Variants in MAGI2 observed in about 807,000 individuals in gnomAD.
The protein encoded by MAGI2 is membrane-associated guanylate kinase, WW and PDZ domain-containing protein 2.
A neutral mutation model predicts 133.3 loss-of-function variants in MAGI2; 35 were observed. The ratio of observed to expected loss-of-function variants is 0.26; its 90% CI spans 0.20 to 0.35. MAGI2 has a LOEUF of 0.35. MAGI2 is among the 10% of genes least tolerant of loss of function. The pLI is 1.00. For synonymous variants in MAGI2, 729 were observed against 710.6 expected, an observed-to-expected ratio of 1.03 and a Z score of -0.41; for missense variants, 1,636 against 1,863.4, an observed-to-expected ratio of 0.88 and a Z score of 2.25.
chr7:78,672,640 C>T (rs1210877463), intron 2 of MAGI2, among the ~76,000 whole-genome samples: 2 of 152,178 alleles, frequency 1.3e-5, no homozygotes, highest in African/African-American at 4.8e-5. Flanking sequence ...GAAACACCCT[C>T]AATTAAATAG....
chr7:78,671,279 CTCTT>C (rs1041696740), intron 2 of MAGI2, among the ~76,000 whole-genome samples: 22 of 71,114 alleles, frequency 3.1e-4, no homozygotes, highest in African/African-American at 9.3e-4. Context: ...GTCTCTCTCT[CTCTT>C]TTTTTTTTTT....
At position 78,218,075 on chromosome 7, in the gene MAGI2, C is replaced by A. The variant is rs78983821; in HGVS notation, c.2048-16882G>T. ...ACACAGATATATGGCACTGAGGGAG[C>A]CAGATATGGTTAGGCCAAGAGCCTT... is the stretch of plus-strand genomic sequence containing the variant. On this transcript the variant is annotated intron_variant, in intron 10 of 21. Coordinates refer to ENST00000354212, the MANE Select transcript of MAGI2 (RefSeq NM_012301.4). Among the ~76,000 whole-genome samples, 638 of 152,310 alleles carry A rather than the reference C, an allele frequency of 4.2e-3. 3 individuals carry two copies. The highest frequency in any genetic ancestry group is 0.015 in the African/African-American group (612 of 41,562).
intron 3 of MAGI2, among the ~76,000 whole-genome samples, chr7:78,527,950 T>G (rs1797121886): frequency 6.6e-6 from 1 of 152,012 alleles, no homozygotes; most frequent in South Asian, 2.1e-4. Context: ...CCACACAGAT[T>G]AAGGTCATGA....
intron 2 of MAGI2, among the ~76,000 whole-genome samples, chr7:78,677,476 T>C (rs1282861493): frequency 4.6e-5 from 7 of 151,982 alleles, no homozygotes; most frequent in African/African-American, 7.2e-5. Flanking sequence ...TTTATAAGAA[T>C]GGTACTTAAA....
chr7:78,234,720 G>A (rs1790349734), intron 10 of MAGI2, among the ~76,000 whole-genome samples: 2 of 149,468 alleles, frequency 1.3e-5, no homozygotes, highest in Admixed American at 6.7e-5. Context: ...AGGTGATTTC[G>A]TTCATTTATT....
intron 21 of MAGI2, among the ~76,000 whole-genome samples, chr7:78,043,260 C>G (rs1651958508): frequency 2.0e-5 from 3 of 152,046 alleles, no homozygotes; most frequent in Admixed American, 2.0e-4. Flanking sequence ...TTTTTTGAGC[C>G]ATCTTTTGGT....
At chr7:78,160,467 C>T (rs1824863645) in intron 15 of MAGI2, among the ~76,000 whole-genome samples, 194 bp from the exon 16 acceptor site, 1 of 152,208 alleles carries the variant, frequency 6.6e-6, no homozygotes, top group African/African-American at 2.4e-5. Flanking sequence ...TTGCTCAGTC[C>T]TAGTTTTCAT....
At chr7:78,666,210 C>A (rs1214028147) in intron 2 of MAGI2, among the ~76,000 whole-genome samples, 2 of 152,120 alleles carry the variant, frequency 1.3e-5, no homozygotes, top group African/African-American at 2.4e-5. Context: ...CTGCTGAGAT[C>A]ATTATAGCCA....
intron 1 of MAGI2, among the ~76,000 whole-genome samples, chr7:79,259,311 A>C (rs1833914382): frequency 6.6e-6 from 1 of 152,200 alleles, no homozygotes; most frequent in African/African-American, 2.4e-5. Context: ...ACTGTTCAAA[A>C]ATTTTAAGCT....
chr7:78,954,229 T>G (rs1802109722), intron 2 of MAGI2, among the ~76,000 whole-genome samples: 1 of 152,146 alleles, frequency 6.6e-6, no homozygotes, highest in Non-Finnish European at 1.5e-5. Context: ...GTCTACTTCT[T>G]ATGGAGAACC....
chr7:78,528,725 A>G (rs777339130), intron 3 of MAGI2, among the ~76,000 whole-genome samples: 7 of 152,156 alleles, frequency 4.6e-5, no homozygotes, highest in Non-Finnish European at 8.8e-5. Flanking sequence ...AAAAACAAAA[A>G]TATATCATTT....
chr7:78,732,972 A>T (rs1025858983), intron 2 of MAGI2, among the ~76,000 whole-genome samples: 1 of 152,186 alleles, frequency 6.6e-6, no homozygotes, highest in African/African-American at 2.4e-5. Context: ...TCTAGGAATC[A>T]GACTTTCTCT....
intron 1 of MAGI2, among the ~76,000 whole-genome samples, chr7:79,099,476 T>C (rs994048481): frequency 6.6e-6 from 1 of 152,156 alleles, no homozygotes; most frequent in East Asian, 1.9e-4. Context: ...TAATTTTTTA[T>C]TTTTAACTTT....
At chr7:79,199,277 C>T (rs1270105460) in intron 1 of MAGI2, among the ~76,000 whole-genome samples, 2 of 151,954 alleles carry the variant, frequency 1.3e-5, no homozygotes, top group Non-Finnish European at 2.9e-5. Context: ...CAGAAGGTGG[C>T]TTTCTAACTT....
At chr7:78,653,433 A>G (rs1323293108) in intron 2 of MAGI2, among the ~76,000 whole-genome samples, 2 of 152,230 alleles carry the variant, frequency 1.3e-5, no homozygotes, top group Non-Finnish European at 2.9e-5. Context: ...GCACATATAC[A>G]TTATGGAATA....
chr7:78,501,670 T>G lies in MAGI2; in HGVS notation c.872A>C (p.Lys291Thr), dbSNP rs766888524. ...EELKEQMDDTKPTKPEDNEEP... is the reference protein window; with the variant it reads ...EELKEQMDDTTPTKPEDNEEP... ...CTCATTGTCTTCAGGTTTAGTTGGCTTTGTGTCATCCATCTGCTCCTTCAG... is the reference window on the plus strand; with the variant it reads ...CTCATTGTCTTCAGGTTTAGTTGGCGTTGTGTCATCCATCTGCTCCTTCAG... The change falls in exon 5 of 22, where the codon AAG (lysine) becomes ACG (threonine). Residue 291 changes from lysine to threonine, a missense_variant. By Grantham distance (78) the Lys-to-Thr change is moderately conservative. Coordinates refer to ENST00000354212, the MANE Select transcript of MAGI2 (RefSeq NM_012301.4). 1 of 1,614,172 alleles carries G rather than the reference T, an allele frequency of 6.2e-7. No homozygotes were observed. Among genetic ancestry groups the G allele is most frequent in the South Asian group, 1.1e-5 (1 of 91,088 alleles).
chr7:78,737,303 T>A (rs1821955675), intron 2 of MAGI2, among the ~76,000 whole-genome samples: 1 of 152,156 alleles, frequency 6.6e-6, no homozygotes, highest in African/African-American at 2.4e-5. Flanking sequence ...AGTGAAACAA[T>A]GAGCAATGCA....
intron 2 of MAGI2, among the ~76,000 whole-genome samples, chr7:78,966,113 A>G (rs922578083): frequency 6.6e-6 from 1 of 152,058 alleles, no homozygotes; most frequent in Admixed American, 6.6e-5. Context: ...TCTCTCTACA[A>G]TGTGCTTAGG....
chr7:79,372,698 G>A, intron 1 of MAGI2, among the ~76,000 whole-genome samples: 1 of 151,924 alleles, frequency 6.6e-6, no homozygotes, highest in East Asian at 1.9e-4. Context: ...CCTCTCCTCA[G>A]CAATTCTTCA....
Sources: gnomAD v4.1 joint callset for allele counts (sites outside exome capture counted in the v4.1 genomes callset) on GRCh38, gnomAD v4.1.1 for gene constraint, MANE v1.5 for transcripts, NCBI Gene and HGNC (gene_info 2026-07-23, HGNC 2026-07-21) for gene names.